LRBA: variants seen among roughly 807,000 people sequenced by gnomAD.
The protein encoded by LRBA is lipopolysaccharide-responsive and beige-like anchor protein.
In LRBA, 176 loss-of-function variants were observed where a neutral mutation model predicts 330.0. That is an observed-to-expected ratio of 0.53 (90% CI 0.47 to 0.60). The LOEUF is 0.60. Ranked by LOEUF, LRBA falls within the 20% of genes least tolerant of loss-of-function variation. LRBA has a pLI of 0.00. For synonymous variants in LRBA, 1,230 were observed against 1,193.0 expected, an observed-to-expected ratio of 1.03 and a Z score of -0.64; for missense variants, 3,259 against 3,444.8, an observed-to-expected ratio of 0.95 and a Z score of 1.35.
At chr4:150,884,454 A>C (rs1246621315) in intron 17 of LRBA, among the ~76,000 whole-genome samples, 1 of 152,236 alleles carries the variant, frequency 6.6e-6, no homozygotes, top group Non-Finnish European at 1.5e-5. Flanking sequence ...AAGTAGCCAC[A>C]ACTTTGAATG....
intron 31 of LRBA, among the ~76,000 whole-genome samples, chr4:150,811,453 G>A (rs1743717084): frequency 6.6e-6 from 1 of 150,754 alleles, no homozygotes; most frequent in Admixed American, 6.6e-5. Context: ...GGGTGTGCAT[G>A]AGGCTTTAGG....
intron 2 of LRBA, chr4:150,970,587 A>T: frequency 6.9e-6 from 1 of 144,316 alleles, no homozygotes; most frequent in African/African-American, 2.5e-5. Flanking sequence ...ACACACACAC[A>T]AAAGTATACT....
At chr4:150,932,932 A>C (rs1483833483) in intron 2 of LRBA, among the ~76,000 whole-genome samples, 1 of 152,092 alleles carries the variant, frequency 6.6e-6, no homozygotes, top group Non-Finnish European at 1.5e-5. Flanking sequence ...AAAAAAAGAA[A>C]AACAAAAAAA....
intron 40 of LRBA, among the ~76,000 whole-genome samples, chr4:150,535,180 C>G (rs2152210714): frequency 6.6e-6 from 1 of 152,236 alleles, no homozygotes; most frequent in Admixed American, 6.5e-5. Flanking sequence ...GCTGCCCAGG[C>G]TAGAGGGGAG....
At chr4:150,585,468 T>C (rs1772000260) in intron 40 of LRBA, among the ~76,000 whole-genome samples, 1 of 152,242 alleles carries the variant, frequency 6.6e-6, no homozygotes, top group South Asian at 2.1e-4. Flanking sequence ...CTCCTCTTTC[T>C]GTTTTTCTAA....
chr4:150,849,330 T>C, intron 25 of LRBA, 92 bp downstream of exon 25: 1 of 1,096,902 alleles, frequency 9.1e-7, no homozygotes, highest in Non-Finnish European at 1.4e-6. Context: ...GCACCTACGA[T>C]GCATAGTAAC....
chr4:150,777,121 G>A (rs1449119241), intron 34 of LRBA, among the ~76,000 whole-genome samples: 1 of 150,250 alleles, frequency 6.7e-6, no homozygotes, highest in African/African-American at 2.4e-5. Flanking sequence ...AAAAGACAGG[G>A]TCTCACTCTC....
chr4:150,287,696 A>G (rs1748310283), intron 53 of LRBA, among the ~76,000 whole-genome samples: 3 of 152,362 alleles, frequency 2.0e-5, no homozygotes, highest in African/African-American at 7.2e-5. Context: ...ATGTGCAGCC[A>G]GCTGCTGGAC....
At chr4:150,712,902 C>T (rs560172410) in intron 36 of LRBA, among the ~76,000 whole-genome samples, 57 of 152,150 alleles carry the variant, frequency 3.7e-4, no homozygotes, top group South Asian at 2.9e-3. Context: ...CATTATGTTT[C>T]GAAAAGCCAC....
chr4:150,590,842 G>A lies in LRBA; in HGVS notation c.6064C>T (p.Leu2022Phe), dbSNP rs747416405. Residue 2022 changes from leucine to phenylalanine, a missense_variant, in exon 39 of 57, where the codon CTT becomes TTT. By Grantham distance (22) the Leu-to-Phe change is conservative. Transcript: ENST00000651943. ...AVEHATDEDI[L>F]AKGKQSIRSQ... ...CTGATGGACTGTTTTCCTTTAGCAA[G>A]GATATCTTCATCTGTGGCTGAAATG... is the stretch of plus-strand genomic sequence containing the variant. The A allele has an allele frequency of 1.9e-6, 3 of 1,613,792 alleles. No homozygotes were observed. Among genetic ancestry groups the A allele is most frequent in the African/African-American group, 1.3e-5 (1 of 75,016 alleles).
intron 48 of LRBA, among the ~76,000 whole-genome samples, chr4:150,344,330 C>T (rs1232710790): frequency 6.6e-6 from 1 of 152,110 alleles, no homozygotes; most frequent in East Asian, 1.9e-4. Context: ...CTCAATAAAG[C>T]TTAAATTATT....
In LRBA at chr4:150,786,856, T is replaced by C. The variant is rs138141190; in HGVS notation, c.5580+11225A>G. ...CAGTATTCATAAATTGGCTCTACCT[T>C]GGCAGCAGGCAAGAAGAACCTATTG... On this transcript the variant is annotated intron_variant, in intron 34 of 56. Transcript: ENST00000651943. 3.1e-3 allele frequency among the ~76,000 whole-genome samples: 466 copies of C among 152,312 alleles called. 3 individuals are homozygous for C. Among genetic ancestry groups the C allele is most frequent in the African/African-American group, 0.011 (446 of 41,564 alleles).
intron 2 of LRBA, among the ~76,000 whole-genome samples, chr4:150,934,121 A>T (rs569760993): frequency 6.6e-6 from 1 of 152,320 alleles, no homozygotes; most frequent in South Asian, 2.1e-4. Flanking sequence ...AACGTTTGGG[A>T]TTTCTCAAGT....
intron 40 of LRBA, among the ~76,000 whole-genome samples, chr4:150,549,126 C>T (rs1766238230): frequency 6.6e-6 from 1 of 151,720 alleles, no homozygotes; most frequent in Non-Finnish European, 1.5e-5. Context: ...ATATTTAATA[C>T]TTTTTAAGCA....
chr4:150,759,105 A>T (rs191052388), intron 35 of LRBA, among the ~76,000 whole-genome samples: 1 of 152,128 alleles, frequency 6.6e-6, no homozygotes, highest in African/African-American at 2.4e-5. Flanking sequence ...TTTTGTAGAC[A>T]GAGTTTCACC....
At chr4:150,810,339 T>C (rs1301056262) in intron 31 of LRBA, among the ~76,000 whole-genome samples, 1 of 152,202 alleles carries the variant, frequency 6.6e-6, no homozygotes, top group Non-Finnish European at 1.5e-5. Flanking sequence ...AGTGAGCACA[T>C]ACCTAGTACA....
Position 150,914,230 on chromosome 4 carries a change from T to C in LRBA, c.1126A>G (p.Ile376Val). ...AGGCCCAACTGATAAATAGCAAATA[T>C]CTGAGCTGCATTTAGAGCTTCACTG... ...LFSEALNAAQ[I>V]FAIYQLGLGY... The change falls in exon 9 of 57, where the codon ATA becomes GTA. Residue 376 changes from isoleucine (I) to valine (V), a missense_variant. Coordinates refer to ENST00000651943, the MANE Select transcript of LRBA (RefSeq NM_001364905.1). 1 of 1,610,532 alleles carries C rather than the reference T, an allele frequency of 6.2e-7. No homozygotes were observed. Among genetic ancestry groups the C allele is most frequent in the Non-Finnish European group, 8.5e-7 (1 of 1,178,080 alleles).
chr4:150,448,495 T>C (rs1375223432), intron 44 of LRBA, among the ~76,000 whole-genome samples: 1 of 152,008 alleles, frequency 6.6e-6, no homozygotes, highest in Non-Finnish European at 1.5e-5. Context: ...GAAGAGGTAG[T>C]CAACATAAAA....
At chr4:150,815,655 A>AT (rs1367041140) in intron 31 of LRBA, among the ~76,000 whole-genome samples, 1 of 151,920 alleles carries the variant, frequency 6.6e-6, no homozygotes, top group Non-Finnish European at 1.5e-5. Context: ...TCTAATCACT[A>AT]TTTTTCCTAA....
Sources: allele counts gnomAD v4.1 joint callset (sites outside exome capture counted in the v4.1 genomes callset), GRCh38; gene constraint gnomAD v4.1.1; transcripts MANE v1.5; gene names NCBI Gene and HGNC (gene_info 2026-07-23, HGNC 2026-07-21).